GFRAL: variants seen among roughly 807,000 people sequenced by gnomAD.
GFRAL encodes GDNF family receptor alpha like.
Under a neutral mutation model 45.4 loss-of-function variants are expected in GFRAL, and 36 were observed. The ratio of observed to expected loss-of-function variants is 0.79; its 90% CI spans 0.61 to 1.05. The LOEUF is 1.05. GFRAL is among the 50% of genes least tolerant of loss of function. The pLI is 0.00. For missense variants in GFRAL, 507 were observed against 467.5 expected (o/e 1.08, Z -0.78); for synonymous variants, 166 against 154.1 (o/e 1.08, Z -0.57).
In GFRAL at chr6:55,399,467, A is replaced by C. The variant is rs1768868584; in HGVS notation, c.1121+26A>C. The stretch of plus-strand genomic sequence containing the variant: ...GTAACTGAATATAAATTAGAAGGAA[A>C]GGTCTGAAAGGGAGTCACTTAGCTG... On this transcript the variant is annotated intron_variant, in intron 8 of 8. Coordinates refer to ENST00000340465, the MANE Select transcript of GFRAL (RefSeq NM_207410.2). The C allele has an allele frequency of 2.8e-6, 4 of 1,435,466 alleles. No individual in the cohort carries two copies. In the East Asian group the frequency reaches 9.1e-5, roughly 33 times the overall value. The allele number at this position is 1,435,466 out of a possible 1,614,324, so 88.9% of individuals were successfully genotyped here.
chr6:55,392,742 G>A (rs920735288), intron 6 of GFRAL, among the ~76,000 whole-genome samples: 1 of 151,962 alleles, frequency 6.6e-6, no homozygotes, highest in Non-Finnish European at 1.5e-5. Flanking sequence ...AGGGTGGGAG[G>A]AGGGAGAGGA....
At chr6:55,391,095 A>T (rs1212387629) in intron 6 of GFRAL, among the ~76,000 whole-genome samples, 2 of 152,160 alleles carry the variant, frequency 1.3e-5, no homozygotes, top group Non-Finnish European at 2.9e-5. Context: ...AGAGTAGTGC[A>T]TCTAGTGGAC....
At chr6:55,367,008 G>T (rs1286901831) in intron 6 of GFRAL, among the ~76,000 whole-genome samples, 12 of 45,978 alleles carry the variant, frequency 2.6e-4, no homozygotes, top group African/African-American at 1.5e-3. Context: ...TTGACTTTCT[G>T]TCTCGTTGAT....
At chr6:55,366,405 T>C (rs1200728417) in intron 6 of GFRAL, among the ~76,000 whole-genome samples, 45 of 148,210 alleles carry the variant, frequency 3.0e-4, no homozygotes, top group Non-Finnish European at 5.8e-4. Flanking sequence ...CTGGATTCAT[T>C]AATTTTTTGA....
chr6:55,393,580 G>C (rs993474212), intron 6 of GFRAL, among the ~76,000 whole-genome samples: 1 of 152,108 alleles, frequency 6.6e-6, no homozygotes, highest in Non-Finnish European at 1.5e-5. Flanking sequence ...CAATAGCAAG[G>C]GTTGAGTGCT....
chr6:55,344,496 C>T (rs1337135085), intron 3 of GFRAL, among the ~76,000 whole-genome samples: 2 of 152,198 alleles, frequency 1.3e-5, no homozygotes, highest in Non-Finnish European at 2.9e-5. Context: ...AACAACGCTT[C>T]ATGCTAAAAA....
rs753873571 is a variant in GFRAL at position 55,399,260 on chromosome 6, C to T, written c.1033C>T (p.His345Tyr). 7.5e-6 allele frequency: 12 copies of T among 1,597,076 alleles called. No individual in the cohort carries two copies. Among genetic ancestry groups the T allele is most frequent in the Non-Finnish European group, 7.7e-6 (9 of 1,166,326 alleles). ...HANKITLTGF[H>Y]SPFNGEVIYA... ...AAACAAAATCACTTTAACTGGATTT[C>T]ATTCCCCCTTCAATGGTCAGTTAAA... The change falls in exon 7 of 9, where the codon CAT becomes TAT. Residue 345 changes from histidine (H) to tyrosine (Y), a missense_variant. By Grantham distance (83) the His-to-Tyr change is moderately conservative. Coordinates refer to ENST00000340465, the MANE Select transcript of GFRAL (RefSeq NM_207410.2).
intron 2 of GFRAL, among the ~76,000 whole-genome samples, chr6:55,332,149 T>C (rs113694609): frequency 0.017 from 2,652 of 152,230 alleles, 75 homozygotes; most frequent in African/African-American, 0.06. Context: ...ACCATGGCAC[T>C]ATTTTTTTTC....
chr6:55,379,549 C>T (rs1768578261), intron 6 of GFRAL, among the ~76,000 whole-genome samples: 1 of 141,828 alleles, frequency 7.1e-6, no homozygotes, highest in South Asian at 2.4e-4. Context: ...TATGTATTTA[C>T]CATATGCAAG....
chr6:55,378,993 G>A (rs1768571118), intron 6 of GFRAL, among the ~76,000 whole-genome samples: 1 of 151,952 alleles, frequency 6.6e-6, no homozygotes, highest in Non-Finnish European at 1.5e-5. Flanking sequence ...TACTGCAGAT[G>A]GAATGGTTTT....
chr6:55,361,804 T>C (rs1377120670), intron 6 of GFRAL, among the ~76,000 whole-genome samples: 1 of 152,020 alleles, frequency 6.6e-6, no homozygotes, highest in African/African-American at 2.4e-5. Flanking sequence ...AAAAGATCGG[T>C]CATTACAGTA....
At chr6:55,380,926 T>C (rs1252433626) in intron 6 of GFRAL, among the ~76,000 whole-genome samples, 1 of 152,006 alleles carries the variant, frequency 6.6e-6, no homozygotes, top group Admixed American at 6.6e-5. Context: ...GAACTTTTAA[T>C]TCAAATATTT....
intron 6 of GFRAL, among the ~76,000 whole-genome samples, chr6:55,366,276 C>G (rs1021381616): frequency 1.3e-5 from 2 of 150,362 alleles, no homozygotes; most frequent in African/African-American, 2.4e-5. Context: ...TCTATGGGAT[C>G]GGTAGTGACA....
intron 6 of GFRAL, among the ~76,000 whole-genome samples, chr6:55,362,398 G>T (rs1768287940): frequency 6.6e-6 from 1 of 152,110 alleles, no homozygotes; most frequent in South Asian, 2.1e-4. Flanking sequence ...CTTGGAAAAT[G>T]CACTGAAGAG....
At chr6:55,357,058 C>T (rs1275730611) in intron 5 of GFRAL, among the ~76,000 whole-genome samples, 1 of 151,794 alleles carries the variant, frequency 6.6e-6, no homozygotes, top group Non-Finnish European at 1.5e-5. Flanking sequence ...AGAGAAAATA[C>T]TTGATATGAT....
Position 55,384,767 on chromosome 6 carries a change from T to C in GFRAL, c.953-14413T>C, listed in dbSNP as rs139019737. On this transcript the variant is annotated intron_variant, in intron 6 of 8. Transcript: ENST00000340465. Reference sequence around the variant, plus strand: ...TAACTTTTGCAACTTTAGAGGTTCTTTGGTCATGGCAGTTGGAATTTGCAT... The same window carrying C: ...TAACTTTTGCAACTTTAGAGGTTCTCTGGTCATGGCAGTTGGAATTTGCAT... Among the ~76,000 whole-genome samples the C allele has an allele frequency of 5.1e-3, 771 of 152,056 alleles. 8 individuals carry two copies. The highest frequency in any genetic ancestry group is 0.018 in the African/African-American group (736 of 41,494).
At chr6:55,363,565 C>T (rs1237963595) in intron 6 of GFRAL, among the ~76,000 whole-genome samples, 1 of 130,118 alleles carries the variant, frequency 7.7e-6, no homozygotes, top group Non-Finnish European at 1.6e-5. Flanking sequence ...TTAGGTATAT[C>T]TCCCGATGCT....
intron 6 of GFRAL, among the ~76,000 whole-genome samples, chr6:55,378,694 T>TG (rs1768566536): frequency 6.7e-6 from 1 of 149,918 alleles, no homozygotes; most frequent in East Asian, 2.3e-4. Context: ...CCAAGTCTGC[T>TG]GTTTTTTTTA....
rs148285849 is a variant in GFRAL, at chr6:55,345,635, C to A, written c.317-4457C>A. 2.7e-3 allele frequency among the ~76,000 whole-genome samples: 409 copies of A among 152,264 alleles called. 4 individuals carry two copies. The highest frequency in any genetic ancestry group is 9.0e-3 in the African/African-American group (376 of 41,554). On this transcript the variant is annotated intron_variant, in intron 3 of 8. Coordinates refer to ENST00000340465, the MANE Select transcript of GFRAL (RefSeq NM_207410.2). ...ATACCATTCAGGAGATAGGCACGGG[C>A]AAGGACTTCATGTCTAAAATACCAA...
Sources: allele counts gnomAD v4.1 joint callset (sites outside exome capture counted in the v4.1 genomes callset), GRCh38; gene constraint gnomAD v4.1.1; transcripts MANE v1.5; gene names NCBI Gene and HGNC (gene_info 2026-07-23, HGNC 2026-07-21).